The following PTGIS variants were observed in gnomAD, a reference collection of about 807,000 sequenced individuals.
PTGIS encodes prostacyclin synthase.
Under a neutral mutation model 50.3 loss-of-function variants are expected in PTGIS, and 45 were observed. The observed-to-expected ratio is 0.90, with a 90% CI of 0.70 to 1.15. The LOEUF is 1.15. Ranked by LOEUF, PTGIS falls within the 50% of genes most tolerant of loss-of-function variation. The pLI is 0.00. For missense variants in PTGIS, 668 were observed against 661.3 expected, an observed-to-expected ratio of 1.01 and a Z score of -0.11; for synonymous variants, 260 against 267.7, an observed-to-expected ratio of 0.97 and a Z score of 0.28.
chr20:49,547,873 G>A lies in PTGIS; in HGVS notation c.345C>T (p.Tyr115=), dbSNP rs1258435950. 6.2e-7 allele frequency: 1 copy of A among 1,614,164 alleles called. No homozygotes were observed. Among genetic ancestry groups the A allele is most frequent in the Non-Finnish European group, 8.5e-7 (1 of 1,180,034 alleles). The stretch of plus-strand genomic sequence containing the variant: ...TCCTGGCCTTTTCATCACTGGGGCT[G>A]TAATGTGGAAGCTGCACATCAAAAA... ...ERIFDVQLPH[Y]SPSDEKARMK... is the part of the protein sequence containing the mutation. Residue 115 remains tyrosine (Y), a synonymous_variant, in exon 3 of 10, where the codon TAC becomes TAT. Transcript: ENST00000244043.
chr20:49,521,296 C>T (rs8115947), intron 6 of PTGIS, among the ~76,000 whole-genome samples: 4,357 of 152,238 alleles, frequency 0.029, 192 homozygotes, highest in African/African-American at 0.099. Context: ...CAAACTCAGG[C>T]TGGGAGGTCA....
In PTGIS at chr20:49,513,202, C is replaced by G. The variant is rs998849164; in HGVS notation, c.1084G>C (p.Val362Leu). The stretch of plus-strand genomic sequence containing the variant: ...GCCATGGGCATGGCCAGGTCCACCA[C>G]AACCTCGCGGGTGATGAAGGGGGCA... ...TAAPFITREV[V>L]VDLAMPMADG... The change falls in exon 8 of 10, where the codon GTG (valine) becomes CTG (leucine). Residue 362 changes from valine (V) to leucine (L), a missense_variant. Transcript: ENST00000244043. 3.7e-6 allele frequency: 6 copies of G among 1,614,130 alleles called. No homozygotes were observed. Among genetic ancestry groups the G allele is most frequent in the Non-Finnish European group, 5.1e-6 (6 of 1,180,042 alleles).
At chr20:49,521,222 T>A (rs909072038) in intron 6 of PTGIS, among the ~76,000 whole-genome samples, 1 of 152,208 alleles carries the variant, frequency 6.6e-6, no homozygotes, top group Non-Finnish European at 1.5e-5. Context: ...ATTTTACAGA[T>A]GAGTAAACCG....
chr20:49,511,080 C>T lies in PTGIS; in HGVS notation c.1306G>A (p.Ala436Thr), dbSNP rs1295121540. Reference sequence around the variant, plus strand: ...CTCCCCAGGCAGTGATTGTGCCCCGCCCCCCAGGGCATGTTGTAATTCTTC... The same window carrying T: ...CTCCCCAGGCAGTGATTGTGCCCCGTCCCCCAGGGCATGTTGTAATTCTTC... ...RLKNYNMPWGAGHNHCLGRSY... is the reference protein window; with the variant it reads ...RLKNYNMPWGTGHNHCLGRSY... The change falls in exon 9 of 10, where the codon GCG (alanine) becomes ACG (threonine). Residue 436 changes from alanine to threonine, a missense_variant. Ala to Thr is a moderately conservative substitution (Grantham distance 58, BLOSUM62 0). Coordinates refer to ENST00000244043, the MANE Select transcript of PTGIS (RefSeq NM_000961.4). 17 of 1,613,862 alleles carry T rather than the reference C, an allele frequency of 1.1e-5. No homozygotes were observed. The highest frequency in any genetic ancestry group is 1.3e-5 in the Non-Finnish European group (15 of 1,179,944).
At position 49,511,163 on chromosome 20, in the gene PTGIS, C is replaced by A; in HGVS notation, c.1223G>T (p.Arg408Leu). The A allele has an allele frequency of 1.2e-6, 2 of 1,614,164 alleles. No individual in the cohort carries two copies. The highest frequency in any genetic ancestry group is 1.7e-6 in the Non-Finnish European group (2 of 1,180,038). Residue 408 changes from arginine (R) to leucine (L), a missense_variant, in exon 9 of 10, where the codon CGA (arginine) becomes CTA (leucine). Physicochemically the swap from Arg to Leu is moderately radical, Grantham distance 102. Transcript: ENST00000244043. The stretch of plus-strand genomic sequence containing the variant: ...CTCTGATCCGTCAGGGTTCAGGAAT[C>A]GGTTGTATTTAAATACCTGAAATAG... Reference protein sequence around the residue: ...YTDPEVFKYNRFLNPDGSEKK... With the variant: ...YTDPEVFKYNLFLNPDGSEKK...
At chr20:49,566,983 T>G (rs1179789365) in intron 1 of PTGIS, among the ~76,000 whole-genome samples, 1 of 152,194 alleles carries the variant, frequency 6.6e-6, no homozygotes, top group Non-Finnish European at 1.5e-5. Context: ...CTTTTTGTAC[T>G]ATCTTTGCAA....
chr20:49,514,154 A>G, intron 7 of PTGIS, 73 bp downstream of exon 7: 2 of 1,574,312 alleles, frequency 1.3e-6, no homozygotes, highest in South Asian at 1.1e-5. Flanking sequence ...ACAGGAGTCC[A>G]TGTTGGGGAG....
chr20:49,516,156 A>G (rs1426669718), intron 6 of PTGIS, among the ~76,000 whole-genome samples: 1 of 151,750 alleles, frequency 6.6e-6, no homozygotes, highest in African/African-American at 2.4e-5. Flanking sequence ...AGCACAGACC[A>G]TCTCTAAGAG....
intron 1 of PTGIS, among the ~76,000 whole-genome samples, chr20:49,555,728 T>A (rs911507849): frequency 6.6e-6 from 1 of 152,228 alleles, no homozygotes; most frequent in Non-Finnish European, 1.5e-5. Context: ...CAAATTTCCT[T>A]GTCAATTGTG....
intron 5 of PTGIS, among the ~76,000 whole-genome samples, chr20:49,534,826 A>G (rs1982028487): frequency 6.6e-6 from 1 of 152,140 alleles, no homozygotes; most frequent in Non-Finnish European, 1.5e-5. Flanking sequence ...GGAAATGCAA[A>G]TGGCTACTGA....
At chr20:49,567,625 C>T (rs1017831844) in intron 1 of PTGIS, among the ~76,000 whole-genome samples, 1 of 152,214 alleles carries the variant, frequency 6.6e-6, no homozygotes, top group African/African-American at 2.4e-5. Flanking sequence ...TAGGTGGGTG[C>T]CAGGTGCAGG....
chr20:49,508,518 C>T (rs1185043391), intron 9 of PTGIS, among the ~76,000 whole-genome samples: 7 of 152,188 alleles, frequency 4.6e-5, no homozygotes, highest in South Asian at 2.1e-4. Flanking sequence ...CACTGAGACT[C>T]GGCAGGTGCA....
intron 1 of PTGIS, among the ~76,000 whole-genome samples, chr20:49,555,665 A>C (rs1223342713): frequency 6.6e-6 from 1 of 152,244 alleles, no homozygotes; most frequent in Non-Finnish European, 1.5e-5. Flanking sequence ...AGTATACATC[A>C]TCAGTAGTAA....
At chr20:49,541,935 A>T (rs1982242115) in intron 4 of PTGIS, among the ~76,000 whole-genome samples, 1 of 152,096 alleles carries the variant, frequency 6.6e-6, no homozygotes, top group African/African-American at 2.4e-5. Flanking sequence ...AAGCTGAACC[A>T]AGCTGGGTCA....
intron 5 of PTGIS, among the ~76,000 whole-genome samples, chr20:49,526,620 G>A (rs771335255): frequency 1.3e-5 from 2 of 152,088 alleles, no homozygotes; most frequent in Admixed American, 6.5e-5. Flanking sequence ...GAACTCCTAC[G>A]ACTCAACAAC....
Position 49,513,120 on chromosome 20 carries a change from A to C in PTGIS, c.1166T>G (p.Leu389Arg). The C allele has an allele frequency of 6.2e-7, 1 of 1,614,032 alleles. No homozygotes were observed. The highest frequency in any genetic ancestry group is 1.1e-5 in the South Asian group (1 of 91,068). Residue 389 changes from leucine to arginine, a missense_variant, in exon 8 of 10, where the codon CTG (leucine) becomes CGG (arginine). Transcript: ENST00000244043. ...GATTTCTGGGTCTCTCTGGGGGCTCAGGAAGGGGAAGAGGAGGAGGCGGTC... is the reference window on the plus strand; with the variant it reads ...GATTTCTGGGTCTCTCTGGGGGCTCCGGAAGGGGAAGAGGAGGAGGCGGTC... ...RGDRLLLFPF[L>R]SPQRDPEIYT...
intron 6 of PTGIS, among the ~76,000 whole-genome samples, chr20:49,518,085 C>G (rs987643271): frequency 4.6e-5 from 7 of 152,214 alleles, no homozygotes; most frequent in African/African-American, 1.7e-4. Flanking sequence ...TAGTCATCCC[C>G]CAGGGGGAGA....
chr20:49,565,437 G>A (rs963417822), intron 1 of PTGIS, among the ~76,000 whole-genome samples: 18 of 152,026 alleles, frequency 1.2e-4, no homozygotes, highest in African/African-American at 4.1e-4. Flanking sequence ...GGGAGGCTGC[G>A]GTGGGAGGAT....
intron 1 of PTGIS, among the ~76,000 whole-genome samples, chr20:49,564,804 T>G (rs1982854379): frequency 6.6e-6 from 1 of 152,112 alleles, no homozygotes; most frequent in African/African-American, 2.4e-5. Context: ...GAAAGTCACT[T>G]CATCTTTTTA....
Sources: gnomAD v4.1 joint callset for allele counts (sites outside exome capture counted in the v4.1 genomes callset) on GRCh38, gnomAD v4.1.1 for gene constraint, MANE v1.5 for transcripts, NCBI Gene and HGNC (gene_info 2026-07-23, HGNC 2026-07-21) for gene names.